The following ARHGEF38 variants were observed in gnomAD, a reference collection of about 807,000 sequenced individuals.
ARHGEF38 encodes Rho guanine nucleotide exchange factor (GEF) 38.
ARHGEF38 carries 79 observed loss-of-function variants against 79.9 expected under a neutral mutation model. The ratio of observed to expected loss-of-function variants is 0.99; its 90% CI spans 0.82 to 1.19. ARHGEF38 has a LOEUF of 1.19. Among genes scored for constraint, ARHGEF38 ranks in the 50% most tolerant of loss-of-function variants. The probability of loss-of-function intolerance (pLI) is 0.00; values close to 1 mark genes in which losing one functional copy is unlikely to be tolerated. For missense variants in ARHGEF38, 962 were observed against 907.2 expected, an observed-to-expected ratio of 1.06 and a Z score of -0.78; for synonymous variants, 366 against 328.3, an observed-to-expected ratio of 1.11 and a Z score of -1.24.
intron 2 of ARHGEF38, among the ~76,000 whole-genome samples, chr4:105,604,605 T>C (rs904051518): frequency 5.9e-5 from 9 of 152,166 alleles, no homozygotes; most frequent in Admixed American, 5.9e-4. Context: ...AAAAAATGGG[T>C]GTTAATGCTA....
rs1044914265 is a variant in ARHGEF38 at position 105,589,638 on chromosome 4, G to A, written c.384+203G>A. Among the ~76,000 whole-genome samples the A allele has an allele frequency of 3.9e-5, 6 of 152,108 alleles. No individual in the cohort carries two copies. The East Asian group carries it at 7.7e-4, about 20-fold the overall frequency. On this transcript the variant is annotated intron_variant, in intron 2 of 13. Coordinates refer to ENST00000420470, the MANE Select transcript of ARHGEF38 (RefSeq NM_001242729.2). ...TTCACTTTCTAGTGCAGAAAAGGAG[G>A]AGTCAGACAATACACAATAAATAAA...
At chr4:105,568,494 A>G (rs1365972811) in intron 1 of ARHGEF38, among the ~76,000 whole-genome samples, 1 of 152,194 alleles carries the variant, frequency 6.6e-6, no homozygotes, top group Non-Finnish European at 1.5e-5. Flanking sequence ...TACTGGGTAT[A>G]TACCCAAAGG....
intron 13 of ARHGEF38, among the ~76,000 whole-genome samples, chr4:105,672,271 T>G (rs1730981156): frequency 6.6e-6 from 1 of 152,164 alleles, no homozygotes; most frequent in African/African-American, 2.4e-5. Context: ...AAAGAAAATT[T>G]TATCTAAAAT....
rs551912366 is a variant in ARHGEF38, at chr4:105,645,376, G to C, written c.863G>C (p.Arg288Thr). The change falls in exon 6 of 14, where the codon AGG (arginine) becomes ACG (threonine). Residue 288 changes from arginine (R) to threonine (T), a missense_variant. Physicochemically the swap from Arg to Thr is moderately conservative, Grantham distance 71 (BLOSUM62 -1). Transcript: ENST00000420470. ...INVNINELKR[R>T]KDLVLKYKKN... ...GTTAACATCAATGAACTTAAAAGAA[G>C]GAAAGATTTAGGTAGGAAGAGACAT... 2.6e-6 allele frequency: 4 copies of C among 1,524,446 alleles called. No individual in the cohort carries two copies. Among genetic ancestry groups the C allele is most frequent in the African/African-American group, 2.8e-5 (2 of 72,522 alleles). The allele number at this position is 1,524,446 out of a possible 1,614,324, so 94.4% of individuals were successfully genotyped here.
chr4:105,609,682 A>T (rs1397667073), intron 2 of ARHGEF38, among the ~76,000 whole-genome samples: 1 of 152,130 alleles, frequency 6.6e-6, no homozygotes, highest in Non-Finnish European at 1.5e-5. Context: ...CGCTGGAGGC[A>T]TCACATTACC....
In ARHGEF38 at chr4:105,676,562, C is replaced by T. The variant is rs141307897; in HGVS notation, c.2149-1190C>T. Among the ~76,000 whole-genome samples, 30 of 152,214 alleles carry T rather than the reference C, an allele frequency of 2.0e-4. No individual in the cohort carries two copies. In the East Asian group the frequency reaches 5.6e-3, roughly 28 times the overall value. Reference sequence around the variant, plus strand: ...GAATGGGAATAAACTAAGCCAGTTGCTTAATTTTATGCCATAACTAAACAT... The same window carrying T: ...GAATGGGAATAAACTAAGCCAGTTGTTTAATTTTATGCCATAACTAAACAT... On this transcript the variant is annotated intron_variant, in intron 13 of 13. Transcript: ENST00000420470.
intron 1 of ARHGEF38, among the ~76,000 whole-genome samples, chr4:105,582,525 T>C (rs187338199): frequency 4.1e-4 from 63 of 152,312 alleles, no homozygotes; most frequent in Non-Finnish European, 6.0e-4. Context: ...TGGTTCTCTA[T>C]TAATTCCAAA....
intron 10 of ARHGEF38, among the ~76,000 whole-genome samples, chr4:105,664,177 C>T (rs1730667384): frequency 6.6e-6 from 1 of 152,184 alleles, no homozygotes; most frequent in Admixed American, 6.5e-5. Context: ...ATTGCTGAAT[C>T]ATATGGTAAC....
chr4:105,561,449 G>GGAATAGAATGGAATA (rs1725566979), intron 1 of ARHGEF38: 1 of 45,634 alleles, frequency 2.2e-5, no homozygotes, highest in Non-Finnish European at 4.2e-5. Context: ...AGAATAGAAT[G>GGAATAGAATGGAATA]GAATAGAATA....
At chr4:105,603,186 A>C (rs1342975990) in intron 2 of ARHGEF38, among the ~76,000 whole-genome samples, 3 of 152,198 alleles carry the variant, frequency 2.0e-5, no homozygotes, top group Non-Finnish European at 4.4e-5. Context: ...TTAGGAGCCA[A>C]GCATTATTCT....
At chr4:105,644,554 T>C (rs931660941) in intron 5 of ARHGEF38, among the ~76,000 whole-genome samples, 1 of 152,234 alleles carries the variant, frequency 6.6e-6, no homozygotes, top group Non-Finnish European at 1.5e-5. Context: ...GTGTAGTCAT[T>C]TGAAGATTTG....
intron 1 of ARHGEF38, among the ~76,000 whole-genome samples, chr4:105,581,861 T>C (rs905249025): frequency 5.9e-5 from 9 of 152,118 alleles, no homozygotes; most frequent in Non-Finnish European, 1.2e-4. Flanking sequence ...GTTTTAGGAT[T>C]TCTTAAAATC....
chr4:105,668,079 T>G (rs925064374), intron 13 of ARHGEF38, among the ~76,000 whole-genome samples: 3 of 152,310 alleles, frequency 2.0e-5, no homozygotes, highest in Non-Finnish European at 4.4e-5. Flanking sequence ...CATGGGAAAT[T>G]GCCCATGATT....
chr4:105,578,325 C>T (rs1045278719), intron 1 of ARHGEF38, among the ~76,000 whole-genome samples: 11 of 152,066 alleles, frequency 7.2e-5, no homozygotes, highest in Non-Finnish European at 1.6e-4. Context: ...TTTATTGAGA[C>T]TTGTTTTGTG....
chr4:105,660,159 T>G (rs1385370309), intron 10 of ARHGEF38, among the ~76,000 whole-genome samples: 1 of 152,114 alleles, frequency 6.6e-6, no homozygotes, highest in Non-Finnish European at 1.5e-5. Context: ...GAGGGCTATG[T>G]TTACAGGGTT....
chr4:105,613,335 T>G, intron 2 of ARHGEF38, 49 bp from the exon 3 acceptor site: 1 of 1,588,804 alleles, frequency 6.3e-7, no homozygotes, highest in Non-Finnish European at 8.6e-7. Flanking sequence ...GGAGAAAACA[T>G]CCTAAATACA....
intron 2 of ARHGEF38, among the ~76,000 whole-genome samples, chr4:105,590,103 GAA>G (rs1727259082): frequency 7.0e-6 from 1 of 142,298 alleles, no homozygotes; most frequent in Non-Finnish European, 1.5e-5. Flanking sequence ...AGGAAGGAAG[GAA>G]GGAAGGAAGG....
At position 105,606,627 on chromosome 4, in the gene ARHGEF38, G is replaced by T. The variant is rs538245505; in HGVS notation, c.385-6757G>T. Among the ~76,000 whole-genome samples, 2 of 152,008 alleles carry T rather than the reference G, an allele frequency of 1.3e-5. 1 individual carries two copies. Among genetic ancestry groups the T allele is most frequent in the Admixed American group, 1.3e-4 (2 of 15,248 alleles). The stretch of plus-strand genomic sequence containing the variant: ...AGAGCTGATTATAATAATGAAAAGC[G>T]TGATCTATCTAGATTTCAAAAATTT... On this transcript the variant is annotated intron_variant, in intron 2 of 13. Coordinates refer to ENST00000420470, the MANE Select transcript of ARHGEF38 (RefSeq NM_001242729.2).
intron 7 of ARHGEF38, among the ~76,000 whole-genome samples, chr4:105,649,101 C>A (rs1436732372): frequency 1.3e-5 from 2 of 152,082 alleles, no homozygotes; most frequent in Non-Finnish European, 2.9e-5. Context: ...CCTTGATATT[C>A]ATTTTCTCTT....
Sources: allele counts gnomAD v4.1 joint callset (sites outside exome capture counted in the v4.1 genomes callset), GRCh38; gene constraint gnomAD v4.1.1; transcripts MANE v1.5; gene names NCBI Gene and HGNC (gene_info 2026-07-23, HGNC 2026-07-21).